The following MAGI2 variants were observed in gnomAD, a reference collection of about 807,000 sequenced individuals.
The protein encoded by MAGI2 is membrane-associated guanylate kinase, WW and PDZ domain-containing protein 2.
A neutral mutation model predicts 133.3 loss-of-function variants in MAGI2; 35 were observed. The observed-to-expected ratio is 0.26, with a 90% CI of 0.20 to 0.35. MAGI2 has a LOEUF of 0.35. MAGI2 is among the 10% of genes least tolerant of loss of function. The pLI, the probability that MAGI2 is intolerant of heterozygous loss-of-function variation, is 1.00. For synonymous variants in MAGI2, 729 were observed against 710.6 expected (o/e 1.03, Z -0.41); for missense variants, 1,636 against 1,863.4 (o/e 0.88, Z 2.25).
At chr7:78,482,692 G>A (rs984261539) in intron 6 of MAGI2, among the ~76,000 whole-genome samples, 2 of 151,768 alleles carry the variant, frequency 1.3e-5, no homozygotes, top group Non-Finnish European at 2.9e-5. Context: ...GAATATTTTT[G>A]CAACAAAGTT....
chr7:78,807,842 G>A (rs1206311869), intron 2 of MAGI2, among the ~76,000 whole-genome samples: 1 of 151,804 alleles, frequency 6.6e-6, no homozygotes, highest in Non-Finnish European at 1.5e-5. Flanking sequence ...ATCACACTAA[G>A]GCCTTTGAAC....
chr7:78,472,927 T>C (rs1226366351), intron 6 of MAGI2, among the ~76,000 whole-genome samples: 2 of 152,194 alleles, frequency 1.3e-5, no homozygotes, highest in East Asian at 3.9e-4. Flanking sequence ...GGCGAGGTAG[T>C]ATAGGGGAAA....
chr7:78,256,136 A>G lies in MAGI2; in HGVS notation c.1854T>C (p.Thr618=). Residue 618 remains threonine (T), a synonymous_variant, in exon 10 of 22, where the codon ACT becomes ACC. Coordinates refer to ENST00000354212, the MANE Select transcript of MAGI2 (RefSeq NM_012301.4). ...GCTGTCCTGTAGGACTGTCGGCAAT[A>G]GTGAAGCCGAAGCCCTGGGCACCTT... ...IVKGAQGFGF[T]IADSPTGQRV... The G allele has an allele frequency of 6.2e-7, 1 of 1,613,888 alleles. No homozygotes were observed. Among genetic ancestry groups the G allele is most frequent in the Non-Finnish European group, 8.5e-7 (1 of 1,179,952 alleles).
chr7:78,991,515 T>C (rs773913236), intron 2 of MAGI2, among the ~76,000 whole-genome samples: 19 of 151,876 alleles, frequency 1.3e-4, no homozygotes, highest in Non-Finnish European at 2.6e-4. Context: ...AGATAAAAAC[T>C]GCATTTCAAC....
At chr7:79,019,993 G>A (rs1359685980) in intron 1 of MAGI2, among the ~76,000 whole-genome samples, 1 of 152,204 alleles carries the variant, frequency 6.6e-6, no homozygotes, top group Non-Finnish European at 1.5e-5. Context: ...AGTTTGGAGA[G>A]CTCAGAAGAA....
At chr7:78,648,320 C>A (rs914787453) in intron 2 of MAGI2, among the ~76,000 whole-genome samples, 1 of 152,164 alleles carries the variant, frequency 6.6e-6, no homozygotes, top group African/African-American at 2.4e-5. Flanking sequence ...AAAACAATTT[C>A]TTCCCTACTA....
chr7:78,249,170 C>T (rs189255003), intron 10 of MAGI2, among the ~76,000 whole-genome samples: 63 of 152,164 alleles, frequency 4.1e-4, no homozygotes, highest in Admixed American at 1.2e-3. Flanking sequence ...GTGATATCAC[C>T]TCAATGTGTT....
chr7:79,255,742 G>C (rs1485567245), intron 1 of MAGI2, among the ~76,000 whole-genome samples: 1 of 151,766 alleles, frequency 6.6e-6, no homozygotes, highest in Non-Finnish European at 1.5e-5. Flanking sequence ...ACGGTCTACA[G>C]AACTAGGAAT....
chr7:78,298,314 G>A (rs1343816612), intron 9 of MAGI2, among the ~76,000 whole-genome samples: 4 of 152,134 alleles, frequency 2.6e-5, no homozygotes, highest in Non-Finnish European at 4.4e-5. Flanking sequence ...GGGACCCTGG[G>A]ACAGAAAAAG....
At chr7:79,308,426 A>T (rs1352143732) in intron 1 of MAGI2, among the ~76,000 whole-genome samples, 1 of 152,166 alleles carries the variant, frequency 6.6e-6, no homozygotes, top group Non-Finnish European at 1.5e-5. Context: ...CTATGGAAGC[A>T]TGAGCGAGTT....
chr7:78,318,189 A>G (rs997083458), intron 9 of MAGI2, among the ~76,000 whole-genome samples: 17 of 152,332 alleles, frequency 1.1e-4, no homozygotes, highest in African/African-American at 3.6e-4. Flanking sequence ...CTAAAGGAGC[A>G]TGTTCTAACC....
chr7:79,400,761 G>T (rs1276535288), intron 1 of MAGI2, among the ~76,000 whole-genome samples: 1 of 151,926 alleles, frequency 6.6e-6, no homozygotes, highest in Non-Finnish European at 1.5e-5. Context: ...TAATTATATG[G>T]TATGTTCTAA....
chr7:78,949,046 T>C (rs538260019), intron 2 of MAGI2, among the ~76,000 whole-genome samples: 2 of 152,190 alleles, frequency 1.3e-5, no homozygotes, highest in Admixed American at 1.3e-4. Context: ...AAAATTATAG[T>C]GGCCATAGGG....
At chr7:79,389,068 A>G (rs1844413429) in intron 1 of MAGI2, among the ~76,000 whole-genome samples, 1 of 151,960 alleles carries the variant, frequency 6.6e-6, no homozygotes, top group African/African-American at 2.4e-5. Context: ...TTTTTTAAAC[A>G]AAAAGTTGAT....
intron 1 of MAGI2, among the ~76,000 whole-genome samples, chr7:79,090,692 G>T (rs1235897954): frequency 6.6e-6 from 1 of 152,186 alleles, no homozygotes. Flanking sequence ...GGAAATTACA[G>T]CTGATAGATG....
chr7:79,407,600 G>A lies in MAGI2; in HGVS notation c.301+45420C>T, dbSNP rs1176629049. On this transcript the variant is annotated intron_variant, in intron 1 of 21. Coordinates refer to ENST00000354212, the MANE Select transcript of MAGI2 (RefSeq NM_012301.4). ...TATCTGTGTAAGAGGTTGGTATGAC[G>A]AACATTGCTATGAGCTTGTATTTTG... Among the ~76,000 whole-genome samples, 4 of 152,200 alleles carry A rather than the reference G, an allele frequency of 2.6e-5. No homozygotes were observed. The East Asian group carries it at 5.8e-4, about 22-fold the overall frequency.
intron 9 of MAGI2, among the ~76,000 whole-genome samples, chr7:78,324,134 A>C (rs1490262661): frequency 7.3e-6 from 1 of 137,380 alleles, no homozygotes; most frequent in Non-Finnish European, 1.5e-5. Flanking sequence ...GACACACTAC[A>C]CTACACTACA....
intron 6 of MAGI2, among the ~76,000 whole-genome samples, chr7:78,380,274 A>C (rs1193271661): frequency 6.6e-6 from 1 of 152,144 alleles, no homozygotes; most frequent in Non-Finnish European, 1.5e-5. Context: ...GAGTTAAGTC[A>C]TATATAACAA....
intron 21 of MAGI2, among the ~76,000 whole-genome samples, chr7:78,073,258 G>A (rs1044567800): frequency 6.6e-6 from 1 of 151,958 alleles, no homozygotes; most frequent in Admixed American, 6.6e-5. Flanking sequence ...TTAAAGAAAC[G>A]ATTAACTTTG....
Sources: gnomAD v4.1 joint callset for allele counts (sites outside exome capture counted in the v4.1 genomes callset) on GRCh38, gnomAD v4.1.1 for gene constraint, MANE v1.5 for transcripts, NCBI Gene and HGNC (gene_info 2026-07-23, HGNC 2026-07-21) for gene names.